ST6GALNAC5: variants seen among roughly 807,000 people sequenced by gnomAD.
ST6GALNAC5 encodes ST6 N-acetylgalactosaminide alpha-2,6-sialyltransferase 5.
Under a neutral mutation model 33.6 loss-of-function variants are expected in ST6GALNAC5, and 27 were observed. The observed-to-expected ratio is 0.80, with a 90% CI of 0.59 to 1.11. ST6GALNAC5 has a LOEUF of 1.11. Ranked by LOEUF, ST6GALNAC5 falls within the 50% of genes least tolerant of loss-of-function variation. The pLI is 0.00. For synonymous variants in ST6GALNAC5, 194 were observed against 171.2 expected, an observed-to-expected ratio of 1.13 and a Z score of -1.04; for missense variants, 428 against 454.0, an observed-to-expected ratio of 0.94 and a Z score of 0.52.
rs536120104 is a variant in ST6GALNAC5, at chr1:76,898,462, T to C, written c.261+29720T>C. On this transcript the variant is annotated intron_variant, in intron 2 of 4. Coordinates refer to ENST00000477717, the MANE Select transcript of ST6GALNAC5 (RefSeq NM_030965.3). ...GGGTTTGAGGGCCAGAATTTAATTTTTGGAGTTTTATTTAATGTCAGGAGC... is the reference window on the plus strand; with the variant it reads ...GGGTTTGAGGGCCAGAATTTAATTTCTGGAGTTTTATTTAATGTCAGGAGC... Among the ~76,000 whole-genome samples, 3 of 152,320 alleles carry C rather than the reference T, an allele frequency of 2.0e-5. No homozygotes were observed. The South Asian group carries it at 6.2e-4, about 32-fold the overall frequency.
chr1:77,002,143 T>A (rs34931439), intron 2 of ST6GALNAC5, among the ~76,000 whole-genome samples: 1 of 151,864 alleles, frequency 6.6e-6, no homozygotes, highest in Non-Finnish European at 1.5e-5. Context: ...GTTGGTAAAC[T>A]ATTGATTATT....
intron 2 of ST6GALNAC5, among the ~76,000 whole-genome samples, chr1:76,969,574 T>A (rs1033653013): frequency 6.6e-6 from 1 of 152,192 alleles, no homozygotes; most frequent in African/African-American, 2.4e-5. Context: ...CTACTGCCTC[T>A]GTAGACTCCA....
rs772097291 is a variant in ST6GALNAC5, at chr1:77,044,555, A to G, written c.613A>G (p.Thr205Ala). The part of the protein sequence containing the change: ...VLPRLKAFMI[T>A]RHKMLQFDEL... ...GCCCCGGCTGAAGGCCTTCATGATTACTCGCCACAAGATGCTGCAGTTTGA... is the reference window on the plus strand; with the variant it reads ...GCCCCGGCTGAAGGCCTTCATGATTGCTCGCCACAAGATGCTGCAGTTTGA... The change falls in exon 3 of 5, where the codon ACT becomes GCT. Residue 205 changes from threonine to alanine, a missense_variant. By Grantham distance (58) the Thr-to-Ala change is moderately conservative (BLOSUM62 0). Transcript: ENST00000477717. The G allele has an allele frequency of 6.3e-7, 1 of 1,598,678 alleles. No homozygotes were observed. Among genetic ancestry groups the G allele is most frequent in the Non-Finnish European group, 8.5e-7 (1 of 1,171,366 alleles).
intron 2 of ST6GALNAC5, among the ~76,000 whole-genome samples, chr1:76,906,613 T>C (rs867845535): frequency 6.6e-6 from 1 of 152,264 alleles, no homozygotes. Flanking sequence ...ATGACAAGAA[T>C]TTATAAAGAT....
At chr1:76,911,521 C>T (rs1646911234) in intron 2 of ST6GALNAC5, among the ~76,000 whole-genome samples, 1 of 152,066 alleles carries the variant, frequency 6.6e-6, no homozygotes, top group East Asian at 1.9e-4. Flanking sequence ...AGAAATGGTA[C>T]CAGTTCCTCC....
At chr1:77,008,852 T>C (rs1264165060) in intron 2 of ST6GALNAC5, among the ~76,000 whole-genome samples, 1 of 152,206 alleles carries the variant, frequency 6.6e-6, no homozygotes, top group African/African-American at 2.4e-5. Context: ...TCTTAATAAA[T>C]GCTGTTCTGA....
chr1:76,903,535 T>C (rs1463294139), intron 2 of ST6GALNAC5, among the ~76,000 whole-genome samples: 2 of 152,168 alleles, frequency 1.3e-5, no homozygotes, highest in Admixed American at 1.3e-4. Context: ...CTCCTAGGTA[T>C]ATGCCAATAT....
chr1:77,029,547 G>A (rs1651372273), intron 2 of ST6GALNAC5, among the ~76,000 whole-genome samples: 2 of 152,188 alleles, frequency 1.3e-5, no homozygotes, highest in Non-Finnish European at 2.9e-5. Flanking sequence ...CCATTAGGAG[G>A]CACAGGGCTC....
intron 2 of ST6GALNAC5, among the ~76,000 whole-genome samples, chr1:76,944,480 C>A (rs182301573): frequency 2.2e-4 from 33 of 151,844 alleles, no homozygotes; most frequent in Admixed American, 1.8e-3. Context: ...TTTTTAATCC[C>A]CCTAATTATT....
intron 2 of ST6GALNAC5, among the ~76,000 whole-genome samples, chr1:77,010,057 G>A (rs1192816120): frequency 6.6e-6 from 1 of 152,150 alleles, no homozygotes; most frequent in African/African-American, 2.4e-5. Flanking sequence ...TAGACACAGG[G>A]TTTTGTGTCC....
At position 76,947,006 on chromosome 1, in the gene ST6GALNAC5, T is replaced by C. The variant is rs557337021; in HGVS notation, c.261+78264T>C. On this transcript the variant is annotated intron_variant, in intron 2 of 4. Transcript: ENST00000477717. ...TAAAACTCAAACTGTTATTGACTTATAGTCATCCATAGTTCTAATCTGGGT... is the reference window on the plus strand; with the variant it reads ...TAAAACTCAAACTGTTATTGACTTACAGTCATCCATAGTTCTAATCTGGGT... Among the ~76,000 whole-genome samples the C allele has an allele frequency of 3.3e-5, 5 of 152,224 alleles. No homozygotes were observed. In the East Asian group the frequency reaches 9.7e-4, roughly 29 times the overall value.
chr1:76,968,109 A>C (rs1648576952), intron 2 of ST6GALNAC5, among the ~76,000 whole-genome samples: 1 of 152,194 alleles, frequency 6.6e-6, no homozygotes, highest in East Asian at 1.9e-4. Context: ...TGCTTGGTGC[A>C]GAGCTGAGTT....
intron 2 of ST6GALNAC5, among the ~76,000 whole-genome samples, chr1:76,902,420 A>G (rs1646826435): frequency 6.6e-6 from 1 of 152,170 alleles, no homozygotes; most frequent in African/African-American, 2.4e-5. Flanking sequence ...GAAGATTTTA[A>G]TCTTGTTAAG....
At chr1:76,910,441 G>C (rs1046931424) in intron 2 of ST6GALNAC5, among the ~76,000 whole-genome samples, 7 of 151,982 alleles carry the variant, frequency 4.6e-5, no homozygotes, top group Admixed American at 3.9e-4. Context: ...CGTTTTAGCT[G>C]TCTAAAACTG....
In ST6GALNAC5 at chr1:76,953,810, A is replaced by G. The variant is rs1395301772; in HGVS notation, c.261+85068A>G. 2.6e-5 allele frequency among the ~76,000 whole-genome samples: 4 copies of G among 152,098 alleles called. No individual in the cohort carries two copies. In the East Asian group the frequency reaches 7.7e-4, roughly 29 times the overall value. On this transcript the variant is annotated intron_variant, in intron 2 of 4. Transcript: ENST00000477717. ...TTTTCATTTAAATCCATGATCCATT[A>G]TGAATTAATTTTTCATGTGGTGTGA...
chr1:76,984,662 T>G (rs1201257340), intron 2 of ST6GALNAC5, among the ~76,000 whole-genome samples: 1 of 152,228 alleles, frequency 6.6e-6, no homozygotes, highest in Non-Finnish European at 1.5e-5. Context: ...CTAACTCATT[T>G]TATGAGGCCA....
intron 2 of ST6GALNAC5, among the ~76,000 whole-genome samples, chr1:77,024,354 C>A (rs79922838): frequency 2.0e-4 from 31 of 152,328 alleles, no homozygotes; most frequent in Admixed American, 1.3e-4. Context: ...TTGGAAAGAG[C>A]TGACTCTCAG....
chr1:76,876,937 T>C (rs1160515145), intron 2 of ST6GALNAC5, among the ~76,000 whole-genome samples: 1 of 152,166 alleles, frequency 6.6e-6, no homozygotes, highest in East Asian at 1.9e-4. Flanking sequence ...CCATGGGCAT[T>C]TGAGCCACTT....
intron 2 of ST6GALNAC5, among the ~76,000 whole-genome samples, chr1:76,884,722 G>A (rs1012349313): frequency 3.3e-5 from 5 of 152,186 alleles, no homozygotes; most frequent in Admixed American, 3.3e-4. Context: ...GCAAGAAAGG[G>A]TGGTTTGTCA....
Sources: gnomAD v4.1 joint callset for allele counts (sites outside exome capture counted in the v4.1 genomes callset) on GRCh38, gnomAD v4.1.1 for gene constraint, MANE v1.5 for transcripts, NCBI Gene and HGNC (gene_info 2026-07-23, HGNC 2026-07-21) for gene names.